The following TRPM5 variants were observed in gnomAD, a reference collection of about 807,000 sequenced individuals.
TRPM5 encodes transient receptor potential cation channel subfamily M member 5.
In TRPM5, 121 loss-of-function variants were observed where a neutral mutation model predicts 124.9. That is an observed-to-expected ratio of 0.97 (90% CI 0.84 to 1.13). The LOEUF (loss-of-function observed/expected upper bound fraction) is 1.13, where lower values mean the gene tolerates loss of function less well. Among genes scored for constraint, TRPM5 ranks in the 50% most tolerant of loss-of-function variants. The pLI is 0.00. For missense variants in TRPM5, 1,643 were observed against 1,589.1 expected (o/e 1.03, Z -0.58); for synonymous variants, 781 against 700.5 (o/e 1.11, Z -1.81).
upstream of TRPM5, among the ~76,000 whole-genome samples, chr11:2,425,526 C>G (rs536138489): frequency 6.6e-6 from 1 of 151,896 alleles, no homozygotes; most frequent in African/African-American, 2.4e-5. Flanking sequence ...TCTAAGGTTC[C>G]CAGTGGACAG....
the TRPM5 span, among the ~76,000 whole-genome samples, chr11:2,434,303 C>G: frequency 1.4e-5 from 2 of 147,338 alleles, no homozygotes; most frequent in East Asian, 2.1e-4. Flanking sequence ...TGTGGCTGCA[C>G]TGTGTGTGTG....
At chr11:2,422,778 C>G (rs1209671915) in intron 1 of TRPM5, 142 bp downstream of exon 6, 1 of 735,410 alleles carries the variant, frequency 1.4e-6, no homozygotes, top group Non-Finnish European at 2.4e-6. Context: ...CTCTGCCTGT[C>G]TGGGGGCTCT....
intron 4 of TRPM5, among the ~76,000 whole-genome samples, chr11:2,419,448 GAAAAA>G (rs57385993): frequency 0.46 from 63,112 of 137,430 alleles, 14,415 homozygotes; most frequent in East Asian, 0.67. Flanking sequence ...TCTCTACTGG[GAAAAA>G]AAAAAAAAAA....
At chr11:2,429,891 G>C in the TRPM5 span, among the ~76,000 whole-genome samples, 1 of 152,074 alleles carries the variant, frequency 6.6e-6, no homozygotes, top group African/African-American at 2.4e-5. This position sits in a 1 kb window ranked among gnomAD's most constrained non-coding sequence, Gnocchi z 8.4. Context: ...TCATGATAGT[G>C]AGTGAGTTCT....
In TRPM5 at chr11:2,411,621, C is replaced by T. The variant is rs779718132; in HGVS notation, c.2607+14G>A. 3.1e-6 allele frequency: 5 copies of T among 1,611,836 alleles called. No individual in the cohort carries two copies. In the South Asian group the frequency reaches 5.5e-5, roughly 18 times the overall value. On this transcript the variant is annotated intron_variant, in intron 17 of 23. Coordinates refer to ENST00000155858, the Ensembl canonical transcript of TRPM5. ...GTCCCTCCAGGGCCAGGGCCAGGGC[C>T]CCCGGGGGCTCACCATGCGCTCTAC...
At chr11:2,410,813 T>C (rs1850430549) in intron 18 of TRPM5, 1 of 387,404 alleles carries the variant, frequency 2.6e-6, no homozygotes, top group African/African-American at 2.1e-5. Context: ...AGGGTGCCTT[T>C]AGGAGCGGCC....
intron 11 of TRPM5, 146 bp from the exon 17 acceptor site, chr11:2,414,352 C>G: frequency 1.7e-6 from 2 of 1,166,876 alleles, no homozygotes; most frequent in East Asian, 2.6e-5. Context: ...CTTCTGCCCC[C>G]TCCGGCCTGC....
chr11:2,413,681 C>G, intron 12 of TRPM5, 93 bp from the exon 18 acceptor site: 1 of 1,220,972 alleles, frequency 8.2e-7, no homozygotes, highest in Non-Finnish European at 1.2e-6. Context: ...GTGCCTGGCC[C>G]ACGTGAGCTG....
At chr11:2,405,854 C>A (rs931913833) in intron 22 of TRPM5, among the ~76,000 whole-genome samples, 165 bp downstream of exon 27, 1 of 152,148 alleles carries the variant, frequency 6.6e-6, no homozygotes, top group Non-Finnish European at 1.5e-5. Flanking sequence ...CAGGTGGGGA[C>A]GGCCTGTCTT....
rs1565012836 is a variant in TRPM5, at chr11:2,417,847, G to A, written c.907-18C>T. The A allele has an allele frequency of 6.4e-7, 1 of 1,560,694 alleles. No individual in the cohort carries two copies. The highest frequency in any genetic ancestry group is 2.4e-5 in the East Asian group (1 of 42,350). The stretch of plus-strand genomic sequence containing the variant: ...TTCTGCAGCTGGGCACCAGAACAGA[G>A]CCCCCATGGGGCCGCCTCAGCCAGG... On this transcript the variant is annotated intron_variant, in intron 6 of 23. Transcript: ENST00000155858.
chr11:2,444,140 C>T, the TRPM5 span, among the ~76,000 whole-genome samples: 1 of 152,140 alleles, frequency 6.6e-6, no homozygotes, highest in Middle Eastern at 3.2e-3. Flanking sequence ...ACCCACACAG[C>T]TCCCACTGGG....
intron 6 of TRPM5, 94 bp downstream of exon 11, chr11:2,418,073 G>A (rs555783253): frequency 6.5e-6 from 8 of 1,225,774 alleles, no homozygotes; most frequent in Non-Finnish European, 9.0e-6. Context: ...GGTGGGAGGA[G>A]TGGGCTGGAG....
chr11:2,414,009 G>GGGCGCCCCCCCCCCCCCCCCCCCCCC, intron 12 of TRPM5, 52 bp downstream of exon 17: 2 of 1,023,726 alleles, frequency 2.0e-6, no homozygotes, highest in East Asian at 2.8e-5. Context: ...GGCCCAGCTC[G>GGGCGCCCCCCCCCCCCCCCCCCCCCC]CCCGCCCACC....
chr11:2,412,264 G>A lies in TRPM5; in HGVS notation c.2356-11C>T. 6.2e-7 allele frequency: 1 copy of A among 1,605,668 alleles called. No individual in the cohort carries two copies. The highest frequency in any genetic ancestry group is 8.5e-7 in the Non-Finnish European group (1 of 1,173,346). On this transcript the variant is annotated splice_polypyrimidine_tract_variant and intron_variant, in intron 15 of 23. Transcript: ENST00000155858. ...GTCTGTGAAGAAGCCCTGGGAGGGA[G>A]GTGGGCAGTCCACTGACAGCTGTCC...
chr11:2,420,191 G>A (rs1565014389), intron 4 of TRPM5, 31 bp downstream of exon 9: 1 of 1,567,220 alleles, frequency 6.4e-7, no homozygotes, highest in Non-Finnish European at 8.6e-7. Flanking sequence ...TGGGTCCCAA[G>A]GCTTCCCTGG....
chr11:2,406,766 T>C (rs1850331708), exon 21 of TRPM5: 1 of 1,613,350 alleles, frequency 6.2e-7, no homozygotes, highest in Non-Finnish European at 8.5e-7. Context: ...GACGACCTTC[T>C]GGTCCAGGGG....
chr11:2,429,021 TGTG>T, the TRPM5 span, among the ~76,000 whole-genome samples: 1 of 147,248 alleles, frequency 6.8e-6, no homozygotes, highest in East Asian at 2.1e-4. The surrounding 1 kb of genome is among the most constrained non-coding windows in gnomAD (Gnocchi z 8.4). Context: ...TGATAATGAT[TGTG>T]GTGGTGATGG....
intron 2 of TRPM5, among the ~76,000 whole-genome samples, 162 bp from the exon 8 acceptor site, chr11:2,421,360 G>T (rs1845770101): frequency 6.6e-6 from 1 of 152,244 alleles, no homozygotes; most frequent in African/African-American, 2.4e-5. Flanking sequence ...GAGGCCCAGA[G>T]AGGGCAAGGC....
chr11:2,406,255 A>G, intron 21 of TRPM5, 164 bp from the exon 27 acceptor site: 1 of 737,400 alleles, frequency 1.4e-6, no homozygotes, highest in Non-Finnish European at 2.3e-6. Context: ...GACCCCTCAA[A>G]GTGCACCTGG....
Sources: gnomAD v4.1 joint callset for allele counts (sites outside exome capture counted in the v4.1 genomes callset) on GRCh38, gnomAD v4.1.1 for gene constraint, Gnocchi (gnomAD v3.1) non-coding constraint, MANE v1.5 for transcripts, NCBI Gene and HGNC (gene_info 2026-07-23, HGNC 2026-07-21) for gene names.